UTRN: variants seen among roughly 807,000 people sequenced by gnomAD.
UTRN encodes the protein utrophin.
A neutral mutation model predicts 463.9 loss-of-function variants in UTRN; 283 were observed. The observed-to-expected ratio is 0.61, with a 90% confidence interval of 0.55 to 0.67. The LOEUF (loss-of-function observed/expected upper bound fraction) is 0.67. Ranked by LOEUF, UTRN falls within the 30% of genes least tolerant of loss-of-function variation. UTRN has a pLI of 0.00. For synonymous variants in UTRN, 1,442 were observed against 1,431.5 expected, an observed-to-expected ratio of 1.01 and a Z score of -0.17; for missense variants, 3,922 against 4,084.3, an observed-to-expected ratio of 0.96 and a Z score of 1.08.
At chr6:144,458,070 A>C (rs1362579156) in intron 19 of UTRN, among the ~76,000 whole-genome samples, 3 of 152,212 alleles carry the variant, frequency 2.0e-5, no homozygotes, top group Non-Finnish European at 4.4e-5. Flanking sequence ...CTTTTCAAAA[A>C]TATCGGACAA....
chr6:144,752,703 G>A (rs1791534906), intron 56 of UTRN, among the ~76,000 whole-genome samples: 1 of 152,028 alleles, frequency 6.6e-6, no homozygotes, highest in African/African-American at 2.4e-5. Flanking sequence ...TTTTCTAGTG[G>A]ATGGAACATA....
At chr6:144,456,665 T>C (rs1201141221) in intron 19 of UTRN, among the ~76,000 whole-genome samples, 1 of 145,036 alleles carries the variant, frequency 6.9e-6, no homozygotes, top group Non-Finnish European at 1.5e-5. Context: ...ATAATAATAA[T>C]AATAATAATA....
Position 144,303,642 on chromosome 6 carries a change from A to G in UTRN, c.79+11735A>G, listed in dbSNP as rs559926478. Reference sequence around the variant, plus strand: ...TATTTTTTTCTATATATATTCTGAGAGAAGGGTCATGCTTTAGGAAAAAGT... The same window carrying G: ...TATTTTTTTCTATATATATTCTGAGGGAAGGGTCATGCTTTAGGAAAAAGT... On this transcript the variant is annotated intron_variant, in intron 2 of 74. Transcript: ENST00000367545. Among the ~76,000 whole-genome samples, 80 of 152,316 alleles carry G rather than the reference A, an allele frequency of 5.3e-4. 1 individual carries two copies. The highest frequency in any genetic ancestry group is 7.1e-4 in the Non-Finnish European group (48 of 68,040).
Position 144,852,503 on chromosome 6 carries a change from G to A in UTRN, c.*1506G>A, listed in dbSNP as rs1156274304. On this transcript the variant is annotated 3_prime_UTR_variant, in exon 75 of 75. Coordinates refer to ENST00000367545, the MANE Select transcript of UTRN (RefSeq NM_007124.3). ...ATTGCTATTATTTTAGAATAGGTTG[G>A]GTGGGTTGGGGGGCAAGGGTGTCTA... The A allele has an allele frequency of 6.6e-6, 1 of 152,526 alleles. No homozygotes were observed. Among genetic ancestry groups the A allele is most frequent in the African/African-American group, 2.4e-5 (1 of 41,422 alleles). The allele number at this position is 152,526 out of a possible 1,614,324, so 9.4% of individuals were successfully genotyped here.
At chr6:144,803,189 T>G in intron 65 of UTRN, 42 bp downstream of exon 65, 2 of 1,184,410 alleles carry the variant, frequency 1.7e-6, no homozygotes, top group Non-Finnish European at 2.3e-6. Context: ...ACATTGCCAT[T>G]GAATTAACTA....
rs1422639555 is a variant in UTRN, at chr6:144,286,523, C to T, written c.-93+702C>T. On this transcript the variant is annotated intron_variant, in intron 1 of 74. Transcript: ENST00000367545. This position sits in a 1 kb window ranked among gnomAD's most constrained non-coding sequence, Gnocchi z 4.4. ...ATTGGTGTGTAGTCCCGCGCAGTCG[C>T]CGGCTCTCCTTTTCCGGACTCTGGG... Among the ~76,000 whole-genome samples the T allele has an allele frequency of 1.3e-5, 2 of 152,102 alleles. No individual in the cohort carries two copies. Among genetic ancestry groups the T allele is most frequent in the Non-Finnish European group, 1.5e-5 (1 of 68,012 alleles).
rs529140145 is a variant in UTRN at position 144,492,628 on chromosome 6, A to G, written c.4438-673A>G. ...TCCCTAGGGGCTGAACTGATTTACAATCCTACCAACAGTGTATGGTGTTCC... is the reference window on the plus strand; with the variant it reads ...TCCCTAGGGGCTGAACTGATTTACAGTCCTACCAACAGTGTATGGTGTTCC... On this transcript the variant is annotated intron_variant, in intron 32 of 74. Transcript: ENST00000367545. Among the ~76,000 whole-genome samples, 5 of 152,212 alleles carry G rather than the reference A, an allele frequency of 3.3e-5. No homozygotes were observed. In the East Asian group the frequency reaches 5.8e-4, roughly 18 times the overall value.
At chr6:144,417,953 AGTT>A (rs1419838472) in intron 3 of UTRN, among the ~76,000 whole-genome samples, 1 of 152,168 alleles carries the variant, frequency 6.6e-6, no homozygotes. Context: ...AGAAGTGCTT[AGTT>A]GTTGTCTCAG....
chr6:144,631,166 C>T (rs1377339345), intron 51 of UTRN, among the ~76,000 whole-genome samples: 4 of 151,134 alleles, frequency 2.6e-5, no homozygotes, highest in African/African-American at 9.8e-5. Context: ...TTTGAGGTTG[C>T]ATTGCTGAAG....
intron 52 of UTRN, among the ~76,000 whole-genome samples, chr6:144,683,707 A>G (rs1782444437): frequency 6.6e-6 from 1 of 152,094 alleles, no homozygotes; most frequent in Non-Finnish European, 1.5e-5. Context: ...ACTCTTTTCA[A>G]TAGAGGTTAA....
Position 144,771,894 on chromosome 6 carries a change from C to T in UTRN, c.8496-13C>T. On this transcript the variant is annotated splice_polypyrimidine_tract_variant and intron_variant, in intron 58 of 74. Transcript: ENST00000367545. The stretch of plus-strand genomic sequence containing the variant: ...TTTTTGTTTATTTTTAAAATTTTAC[C>T]TTTTTTTTCCAGCCATCAAACACAG... The T allele has an allele frequency of 6.4e-7, 1 of 1,571,344 alleles. No individual in the cohort carries two copies. Among genetic ancestry groups the T allele is most frequent in the Non-Finnish European group, 8.6e-7 (1 of 1,165,110 alleles).
chr6:144,544,184 G>C (rs1451604156), intron 46 of UTRN, among the ~76,000 whole-genome samples: 1 of 152,116 alleles, frequency 6.6e-6, no homozygotes, highest in Non-Finnish European at 1.5e-5. Context: ...CTTGGGATAG[G>C]CCTGAGACCT....
rs537714122 is a variant in UTRN at position 144,523,021 on chromosome 6, C to T, written c.5739C>T (p.Ile1913=). The change falls in exon 41 of 75, where the codon ATC becomes ATT. Residue 1913 remains isoleucine, a synonymous_variant. Coordinates refer to ENST00000367545, the MANE Select transcript of UTRN (RefSeq NM_007124.3). ...FSFQEDSLKN[I]KDQLDKLGEQ... is the part of the protein sequence containing the mutation. The stretch of plus-strand genomic sequence containing the variant: ...CTATGACAATATATTTTTAGAATAT[C>T]AAAGACCAACTGGACAAACTTGGAG... 1.3e-6 allele frequency: 2 copies of T among 1,590,868 alleles called. No individual in the cohort carries two copies. Among genetic ancestry groups the T allele is most frequent in the South Asian group, 1.2e-5 (1 of 86,308 alleles).
intron 51 of UTRN, among the ~76,000 whole-genome samples, chr6:144,677,777 T>C (rs1475529790): frequency 6.6e-6 from 1 of 152,160 alleles, no homozygotes; most frequent in Non-Finnish European, 1.5e-5. Context: ...CCAGCACCTG[T>C]TGTGTACTTG....
chr6:144,618,099 T>C (rs1226070034), intron 51 of UTRN, among the ~76,000 whole-genome samples: 1 of 152,192 alleles, frequency 6.6e-6, no homozygotes, highest in East Asian at 1.9e-4. Context: ...GTAATTCAGA[T>C]GGATCTTTTT....
At chr6:144,747,758 G>T (rs1255179683) in intron 54 of UTRN, among the ~76,000 whole-genome samples, 2 of 152,108 alleles carry the variant, frequency 1.3e-5, no homozygotes, top group Non-Finnish European at 2.9e-5. Flanking sequence ...TCTAAGGTAT[G>T]TTATTTGTCT....
At chr6:144,679,082 T>A (rs1781949595) in intron 52 of UTRN, among the ~76,000 whole-genome samples, 1 of 152,136 alleles carries the variant, frequency 6.6e-6, no homozygotes, top group South Asian at 2.1e-4. Flanking sequence ...TTTTGCTTAA[T>A]CATGTTGTTT....
chr6:144,677,835 A>G (rs1016746250), intron 51 of UTRN, among the ~76,000 whole-genome samples: 22 of 152,086 alleles, frequency 1.4e-4, no homozygotes, highest in Non-Finnish European at 2.4e-4. Context: ...TTTGATTTGC[A>G]TTTCTCTAAT....
At chr6:144,448,332 A>C (rs1787900530) in intron 16 of UTRN, among the ~76,000 whole-genome samples, 1 of 152,234 alleles carries the variant, frequency 6.6e-6, no homozygotes. Context: ...GGAAATGTCC[A>C]CAAGGGGAAA....
Sources: gnomAD v4.1 joint callset for allele counts (sites outside exome capture counted in the v4.1 genomes callset) on GRCh38, gnomAD v4.1.1 for gene constraint, Gnocchi (gnomAD v3.1) non-coding constraint, MANE v1.5 for transcripts, NCBI Gene and HGNC (gene_info 2026-07-23, HGNC 2026-07-21) for gene names.